Variants in GABRA3 observed in about 807,000 individuals in gnomAD.
GABRA3 encodes gamma-aminobutyric acid receptor subunit alpha-3.
Under a neutral mutation model 30.1 loss-of-function variants are expected in GABRA3, and 10 were observed. That is an observed-to-expected ratio of 0.33 (90% CI 0.20 to 0.56). GABRA3 has a LOEUF of 0.56. Among genes scored for constraint, GABRA3 ranks in the 20% least tolerant of loss-of-function variants. The pLI is 0.89. For missense variants in GABRA3, 233 were observed against 392.0 expected, an observed-to-expected ratio of 0.59 and a Z score of 3.42; for synonymous variants, 151 against 146.8, an observed-to-expected ratio of 1.03 and a Z score of -0.21.
chrX:152,430,661 G>A (rs188727736), intron 1 of GABRA3, among the ~76,000 whole-genome samples: 6 of 111,348 alleles, frequency 5.4e-5, no homozygotes, highest in Admixed American at 4.8e-4. Flanking sequence ...TATGAAAAAA[G>A]GACAAGTTGC....
chrX:152,337,861 G>A (rs1276561217), intron 3 of GABRA3, among the ~76,000 whole-genome samples: 4 of 111,161 alleles, frequency 3.6e-5, no homozygotes, highest in African/African-American at 1.3e-4. Context: ...ACAGAAAAAA[G>A]AGATTTTGTA....
chrX:152,414,376 A>T (rs192730835), intron 1 of GABRA3, among the ~76,000 whole-genome samples: 34 of 111,642 alleles, frequency 3.0e-4, no homozygotes, highest in Admixed American at 1.4e-3. Context: ...ATGCTTAGTC[A>T]AAGTGTCATT....
At chrX:152,228,300 T>C (rs1466050865) in intron 5 of GABRA3, among the ~76,000 whole-genome samples, 2 of 112,048 alleles carry the variant, frequency 1.8e-5, no homozygotes, top group African/African-American at 3.2e-5. Flanking sequence ...ATGAAGTACC[T>C]TGCCCCTACA....
intron 6 of GABRA3, among the ~76,000 whole-genome samples, chrX:152,218,481 T>C (rs1937769680): frequency 9.0e-6 from 1 of 111,185 alleles, no homozygotes; most frequent in Non-Finnish European, 1.9e-5. Flanking sequence ...GTCTAATTGG[T>C]TTATAGAATT....
At chrX:152,302,484 T>A (rs1421035904) in intron 3 of GABRA3, among the ~76,000 whole-genome samples, 2 of 111,619 alleles carry the variant, frequency 1.8e-5, no homozygotes, top group Non-Finnish European at 3.8e-5. Flanking sequence ...TGCACATATA[T>A]AATGAGATAT....
intron 2 of GABRA3, among the ~76,000 whole-genome samples, chrX:152,347,022 CAA>C (rs998489714): frequency 1.1e-4 from 12 of 111,902 alleles, no homozygotes; most frequent in African/African-American, 2.9e-4. Context: ...ATCAGTATAT[CAA>C]AGAGATATCC....
intron 2 of GABRA3, among the ~76,000 whole-genome samples, chrX:152,352,703 C>T (rs949403427): frequency 8.1e-5 from 9 of 111,495 alleles, no homozygotes; most frequent in African/African-American, 1.6e-4. Flanking sequence ...AATAAAAATT[C>T]GGAATTACTG....
chrX:152,168,144 T>A lies in GABRA3; in HGVS notation c.*84A>T, dbSNP rs1228389969. 8 of 740,346 alleles carry A rather than the reference T, an allele frequency of 1.1e-5. No homozygotes were observed. The highest frequency in any genetic ancestry group is 2.1e-5 in the African/African-American group (1 of 47,574). 61.0% of individuals were successfully genotyped at this position (740,346 alleles called of 1,213,427 possible). On this transcript the variant is annotated 3_prime_UTR_variant, in exon 10 of 10. Coordinates refer to ENST00000370314, the MANE Select transcript of GABRA3 (RefSeq NM_000808.4). ...AGGGGTAAAAAGGAGAATCCTGAAA[T>A]ACGCGAAGGGGAGCCCCGGGGTTTG... is the stretch of plus-strand genomic sequence containing the variant.
intron 1 of GABRA3, among the ~76,000 whole-genome samples, chrX:152,419,529 C>A (rs908181860): frequency 9.0e-6 from 1 of 110,786 alleles, no homozygotes; most frequent in African/African-American, 3.3e-5. Flanking sequence ...AAACGTATTT[C>A]TTTGAAAACA....
intron 5 of GABRA3, among the ~76,000 whole-genome samples, chrX:152,243,237 G>A (rs1938410024): frequency 9.0e-6 from 1 of 111,657 alleles, no homozygotes; most frequent in Non-Finnish European, 1.9e-5. Flanking sequence ...TAAAATTTCA[G>A]TTACACAGGA....
At chrX:152,330,224 A>C (rs1294805466) in intron 3 of GABRA3, among the ~76,000 whole-genome samples, 1 of 112,052 alleles carries the variant, frequency 8.9e-6, no homozygotes, top group Non-Finnish European at 1.9e-5. Context: ...GATGTGGAGA[A>C]ATAGGAACAC....
chrX:152,199,237 G>A (rs1414536491), intron 7 of GABRA3, among the ~76,000 whole-genome samples: 2 of 105,451 alleles, frequency 1.9e-5, no homozygotes, highest in South Asian at 4.2e-4. Flanking sequence ...GTGGTGGCGG[G>A]CACCTGTAGT....
chrX:152,213,380 GTAAA>G (rs1159060330), intron 6 of GABRA3, among the ~76,000 whole-genome samples: 1 of 111,215 alleles, frequency 9.0e-6, no homozygotes, highest in Non-Finnish European at 1.9e-5. Flanking sequence ...CAATAAACAA[GTAAA>G]TAAATAATAT....
At chrX:152,360,727 AAAAAAAAAAATTAAAAAAAAAAATAAATT>A (rs1297296008) in intron 2 of GABRA3, among the ~76,000 whole-genome samples, 76 of 72,903 alleles carry the variant, frequency 1.0e-3, no homozygotes, top group Non-Finnish European at 1.5e-3. Flanking sequence ...AAAAAAAATT[AAAAAAAAAAATTAAAAAAAAAAATAAATT>A]AAAAAAAAAA....
intron 5 of GABRA3, among the ~76,000 whole-genome samples, chrX:152,241,700 T>C (rs1938377162): frequency 9.2e-6 from 1 of 108,985 alleles, no homozygotes; most frequent in African/African-American, 3.3e-5. Flanking sequence ...TGGGATATAG[T>C]CTCGTGGTGC....
chrX:152,245,326 T>C (rs936416903), intron 5 of GABRA3, among the ~76,000 whole-genome samples: 76 of 111,373 alleles, frequency 6.8e-4, no homozygotes, highest in African/African-American at 2.2e-3. Flanking sequence ...TTGGGATTTA[T>C]GGTGAAAAAG....
intron 1 of GABRA3, among the ~76,000 whole-genome samples, chrX:152,408,256 T>C (rs1417063475): frequency 3.6e-5 from 4 of 111,491 alleles, no homozygotes; most frequent in Admixed American, 1.9e-4. Flanking sequence ...ATAAGGGGCA[T>C]ACAAACTGGA....
chrX:152,354,452 G>A (rs1443579192), intron 2 of GABRA3, among the ~76,000 whole-genome samples: 4 of 111,583 alleles, frequency 3.6e-5, no homozygotes, highest in Non-Finnish European at 7.5e-5. Flanking sequence ...CTAAGGAATC[G>A]AATCTCAAAA....
chrX:152,199,338 C>G (rs978525475), intron 7 of GABRA3, among the ~76,000 whole-genome samples: 22 of 104,302 alleles, frequency 2.1e-4, no homozygotes, highest in South Asian at 4.3e-4. Context: ...TGCACTCCAG[C>G]CTGGGCAACA....
Sources: allele counts gnomAD v4.1 joint callset (sites outside exome capture counted in the v4.1 genomes callset), GRCh38; gene constraint gnomAD v4.1.1; transcripts MANE v1.5; gene names NCBI Gene and HGNC (gene_info 2026-07-23, HGNC 2026-07-21).